The following SNTB1 variants were observed in gnomAD, a reference collection of about 807,000 sequenced individuals.
SNTB1 encodes the protein syntrophin beta 1.
A neutral mutation model predicts 48.9 loss-of-function variants in SNTB1; 36 were observed. That is an observed-to-expected ratio of 0.74 (90% CI 0.56 to 0.97). The LOEUF (loss-of-function observed/expected upper bound fraction) is 0.97, where lower values mean the gene tolerates loss of function less well. SNTB1 is among the 50% of genes least tolerant of loss of function. The pLI is 0.00. For synonymous variants in SNTB1, 299 were observed against 294.6 expected (o/e 1.01, Z -0.15); for missense variants, 786 against 703.4 (o/e 1.12, Z -1.33).
At chr8:120,620,519 G>T (rs1432298001) in intron 3 of SNTB1, among the ~76,000 whole-genome samples, 1 of 151,780 alleles carries the variant, frequency 6.6e-6, no homozygotes, top group Admixed American at 6.6e-5. Context: ...ATATTCATTC[G>T]ATAAGTTCTT....
intron 2 of SNTB1, among the ~76,000 whole-genome samples, chr8:120,676,469 C>T (rs909229970): frequency 6.6e-6 from 1 of 152,208 alleles, no homozygotes; most frequent in African/African-American, 2.4e-5. Flanking sequence ...CATCTGATTA[C>T]AAAGCCACAT....
chr8:120,752,987 G>GAAAAA (rs60198716), intron 1 of SNTB1, among the ~76,000 whole-genome samples: 7 of 76,504 alleles, frequency 9.1e-5, no homozygotes, highest in Non-Finnish European at 1.6e-4. Flanking sequence ...AAAGCTGGAA[G>GAAAAA]AAAAAAAAAA....
At chr8:120,703,388 G>T (rs1050411790) in intron 1 of SNTB1, among the ~76,000 whole-genome samples, 1 of 152,206 alleles carries the variant, frequency 6.6e-6, no homozygotes. Flanking sequence ...GCCTCCCAAA[G>T]TGCTGGGATT....
At chr8:120,566,597 C>T (rs751032809) in intron 4 of SNTB1, among the ~76,000 whole-genome samples, 5 of 152,166 alleles carry the variant, frequency 3.3e-5, no homozygotes, top group Non-Finnish European at 7.3e-5. Context: ...ACCACAAACC[C>T]CTGAGAAGAT....
At chr8:120,589,711 G>C (rs1386549156) in intron 3 of SNTB1, among the ~76,000 whole-genome samples, 2 of 151,978 alleles carry the variant, frequency 1.3e-5, no homozygotes, top group African/African-American at 4.8e-5. Context: ...TCTAAGAGAG[G>C]GGCATTCATG....
chr8:120,580,594 G>A (rs1034060100), intron 3 of SNTB1, among the ~76,000 whole-genome samples: 2 of 152,206 alleles, frequency 1.3e-5, no homozygotes, highest in Non-Finnish European at 2.9e-5. Flanking sequence ...CACGAAGGAA[G>A]AAGGGCCATC....
At chr8:120,602,556 A>T (rs981979077) in intron 3 of SNTB1, among the ~76,000 whole-genome samples, 3 of 152,178 alleles carry the variant, frequency 2.0e-5, no homozygotes, top group African/African-American at 7.2e-5. Flanking sequence ...CACAATTTCC[A>T]GCCAGCTAGT....
At chr8:120,586,482 T>A (rs1484499000) in intron 3 of SNTB1, among the ~76,000 whole-genome samples, 1 of 152,182 alleles carries the variant, frequency 6.6e-6, no homozygotes, top group Admixed American at 6.5e-5. Flanking sequence ...TGGCTCTGCA[T>A]CATGTTACCT....
intron 1 of SNTB1, among the ~76,000 whole-genome samples, chr8:120,714,452 A>G (rs192700609): frequency 2.4e-4 from 37 of 152,340 alleles, no homozygotes; most frequent in African/African-American, 8.7e-4. Flanking sequence ...ATACTCCAGA[A>G]AGAAATGGAA....
intron 1 of SNTB1, among the ~76,000 whole-genome samples, chr8:120,763,536 C>T (rs1019876308): frequency 2.6e-5 from 4 of 152,092 alleles, no homozygotes; most frequent in African/African-American, 7.2e-5. Flanking sequence ...CTACATATGA[C>T]GTAAAATCTG....
chr8:120,751,703 T>C, intron 1 of SNTB1, among the ~76,000 whole-genome samples: 1 of 152,186 alleles, frequency 6.6e-6, no homozygotes, highest in East Asian at 1.9e-4. Context: ...TAGTTATATC[T>C]TCTCGAGTCA....
At position 120,620,972 on chromosome 8, in the gene SNTB1, C is replaced by A. The variant is rs905773311; in HGVS notation, c.996+11472G>T. Among the ~76,000 whole-genome samples the A allele has an allele frequency of 1.0e-4, 9 of 88,816 alleles. 1 individual carries two copies. In the Admixed American group the frequency reaches 1.0e-3, roughly 10 times the overall value. The allele number at this position is 88,816 out of a possible 152,430, so 58.3% of individuals were successfully genotyped here. ...TCTTTTCTTTCTTTTTTCTTTCTTT[C>A]TCTCCCTCTCCCTCTCTCTCTACCT... On this transcript the variant is annotated intron_variant, in intron 3 of 6. Coordinates refer to ENST00000517992, the MANE Select transcript of SNTB1 (RefSeq NM_021021.4).
Position 120,693,822 on chromosome 8 carries a change from G to A in SNTB1, c.658C>T (p.Pro220Ser), listed in dbSNP as rs144965371. The A allele has an allele frequency of 1.8e-5, 29 of 1,614,032 alleles. No homozygotes were observed. The African/African-American group carries it at 3.6e-4, about 20-fold the overall frequency. The change falls in exon 2 of 7, where the codon CCT (proline) becomes TCT (serine). Residue 220 changes from proline to serine, a missense_variant. Physicochemically the swap from Pro to Ser is moderately conservative, Grantham distance 74. Transcript: ENST00000517992. Reference sequence around the variant, plus strand: ...TCTGAGGTGCTGCCCCCTAACCGAGGGGATTCAGGCGGAGGTGTTTCCCAC... The same window carrying A: ...TCTGAGGTGCTGCCCCCTAACCGAGAGGATTCAGGCGGAGGTGTTTCCCAC... ...IGWETPPPES[P>S]RLGGSTSDPP...
chr8:120,644,596 T>G (rs1817252238), intron 2 of SNTB1, among the ~76,000 whole-genome samples: 1 of 152,172 alleles, frequency 6.6e-6, no homozygotes, highest in Non-Finnish European at 1.5e-5. Context: ...AAGTCTTTGC[T>G]ATTGTGAATA....
intron 2 of SNTB1, among the ~76,000 whole-genome samples, chr8:120,693,388 G>C (rs1818159648): frequency 6.6e-6 from 1 of 152,194 alleles, no homozygotes; most frequent in South Asian, 2.1e-4. Context: ...CTGAGGTTAA[G>C]CGGTTTAAGA....
In SNTB1 at chr8:120,677,937, T is replaced by C. The variant is rs567509406; in HGVS notation, c.788+15755A>G. On this transcript the variant is annotated intron_variant, in intron 2 of 6. Coordinates refer to ENST00000517992, the MANE Select transcript of SNTB1 (RefSeq NM_021021.4). Reference sequence around the variant, plus strand: ...AGCTCCAAGAATTCTAACTTCTGGATCTAGGGTTTGGTTTCCAGGTAACAT... The same window carrying C: ...AGCTCCAAGAATTCTAACTTCTGGACCTAGGGTTTGGTTTCCAGGTAACAT... Among the ~76,000 whole-genome samples the C allele has an allele frequency of 3.3e-5, 5 of 152,242 alleles. No homozygotes were observed. The South Asian group carries it at 1.0e-3, about 32-fold the overall frequency.
chr8:120,543,478 A>G (rs2130645089), intron 5 of SNTB1, among the ~76,000 whole-genome samples: 1 of 152,258 alleles, frequency 6.6e-6, no homozygotes, highest in Middle Eastern at 3.4e-3. Context: ...GCCCAATATT[A>G]TAGGTGGAAA....
At chr8:120,733,911 G>A (rs954897398) in intron 1 of SNTB1, among the ~76,000 whole-genome samples, 1 of 152,188 alleles carries the variant, frequency 6.6e-6, no homozygotes, top group African/African-American at 2.4e-5. Flanking sequence ...TCTGACAGGA[G>A]TGTATAATAT....
rs1818164498 is a variant in SNTB1 at position 120,693,730 on chromosome 8, G to A, written c.750C>T (p.Tyr250=). 8 of 1,613,778 alleles carry A rather than the reference G, an allele frequency of 5.0e-6. No individual in the cohort carries two copies. The highest frequency in any genetic ancestry group is 1.1e-5 in the South Asian group (1 of 91,042). Residue 250 remains tyrosine, a synonymous_variant, in exon 2 of 7, where the codon TAC becomes TAT. Transcript: ENST00000517992. ...CGGCCAAGGCCATACTCCGAGTGAC[G>A]TAGCACATTTTGAGGGGGATGCTTT... ...DRKSIPLKMC[Y]VTRSMALADP... is the part of the protein sequence containing the mutation.
Sources: allele counts gnomAD v4.1 joint callset (sites outside exome capture counted in the v4.1 genomes callset), GRCh38; gene constraint gnomAD v4.1.1; transcripts MANE v1.5; gene names NCBI Gene and HGNC (gene_info 2026-07-23, HGNC 2026-07-21).